Variants in PRR33 observed in about 807,000 individuals in gnomAD.
PRR33 encodes proline rich 33.
Under a neutral mutation model 0.5 loss-of-function variants are expected in PRR33, and 1 was observed. The ratio of observed to expected loss-of-function variants is 2.18; its 90% confidence interval spans 0.77 to 10.34. PRR33 has a LOEUF of 10.34. PRR33 is among the 30% of genes most tolerant of loss of function. The pLI is 0.13. For synonymous variants in PRR33, 226 were observed against 110.0 expected (o/e 2.06, Z -6.60); for missense variants, 552 against 251.8 (o/e 2.19, Z -8.07).
At chr11:1,894,126 GTGTA>G (rs1849095478), upstream of PRR33, among the ~76,000 whole-genome samples, 1 of 149,522 alleles carries the variant, frequency 6.7e-6, no homozygotes, top group Admixed American at 6.7e-5. Flanking sequence ...GTGTGTTTGT[GTGTA>G]TGTGTGTGTG....
At chr11:1,903,406 A>C in the PRR33 span, 1 of 152,102 alleles carries the variant, frequency 6.6e-6, no homozygotes, top group South Asian at 2.1e-4. Flanking sequence ...TTGGCCTCTC[A>C]AAGTGCTGGA....
chr11:1,903,685 G>A, the PRR33 span, among the ~76,000 whole-genome samples: 7 of 152,198 alleles, frequency 4.6e-5, 1 homozygote, highest in East Asian at 7.7e-4. Flanking sequence ...TAACACGTAC[G>A]GACATACGAG....
chr11:1,916,056 G>A, the PRR33 span, among the ~76,000 whole-genome samples: 1 of 151,976 alleles, frequency 6.6e-6, no homozygotes, highest in African/African-American at 2.4e-5. Context: ...AAGGAGGGAG[G>A]AAGGAAGGAA....
At chr11:1,889,727 G>A in exon 1 of PRR33, 2 of 654,892 alleles carry the variant, frequency 3.1e-6, no homozygotes, top group South Asian at 1.7e-5. Flanking sequence ...CAGGGCCCAT[G>A]GGGACCAGGC....
At chr11:1,899,141 G>T in the PRR33 span, among the ~76,000 whole-genome samples, 1 of 152,152 alleles carries the variant, frequency 6.6e-6, no homozygotes, top group African/African-American at 2.4e-5. Flanking sequence ...TCCCTTTTTA[G>T]TTCTATTATT....
At chr11:1,890,053 C>T (rs755844584) in exon 1 of PRR33, 22 of 706,780 alleles carry the variant, frequency 3.1e-5, no homozygotes, top group African/African-American at 8.8e-5. Flanking sequence ...ACCTGGGTGA[C>T]GTGGGTGCCC....
chr11:1,890,436 ATCT>A (rs1315204675), exon 1 of PRR33: 7 of 717,090 alleles, frequency 9.8e-6, no homozygotes, highest in African/African-American at 1.7e-5. Flanking sequence ...GCCTCCCATC[ATCT>A]TCTTCCGGGC....
chr11:1,899,847 A>G, the PRR33 span, among the ~76,000 whole-genome samples: 1 of 152,094 alleles, frequency 6.6e-6, no homozygotes, highest in African/African-American at 2.4e-5. Flanking sequence ...GCTTCTATAT[A>G]ACCAGAAAAC....
the PRR33 span, among the ~76,000 whole-genome samples, chr11:1,900,419 T>A: frequency 6.6e-6 from 1 of 152,208 alleles, no homozygotes; most frequent in African/African-American, 2.4e-5. Flanking sequence ...AACCAGTCAA[T>A]CTTTCCATTA....
the PRR33 span, among the ~76,000 whole-genome samples, chr11:1,904,424 G>C: frequency 0.019 from 2,924 of 152,074 alleles, 171 homozygotes; most frequent in East Asian, 0.23. Flanking sequence ...AGCTACTCCA[G>C]AGACTGAAGC....
At chr11:1,917,621 C>T in the PRR33 span, among the ~76,000 whole-genome samples, 1 of 152,256 alleles carries the variant, frequency 6.6e-6, no homozygotes, top group Non-Finnish European at 1.5e-5. Flanking sequence ...GGCCAGATGG[C>T]AGCAGGGCAT....
At chr11:1,904,208 A>T in the PRR33 span, among the ~76,000 whole-genome samples, 3 of 152,186 alleles carry the variant, frequency 2.0e-5, no homozygotes, top group Non-Finnish European at 2.9e-5. Flanking sequence ...GCTCTACGCC[A>T]GATCCACTTC....
the PRR33 span, among the ~76,000 whole-genome samples, chr11:1,912,185 A>G: frequency 1.3e-5 from 2 of 151,996 alleles, no homozygotes; most frequent in South Asian, 4.2e-4. Flanking sequence ...TAAAAAGGTA[A>G]AATTAAAAAA....
chr11:1,889,216 G>A (rs775953787), exon 1 of PRR33: 7 of 675,148 alleles, frequency 1.0e-5, no homozygotes, highest in South Asian at 3.2e-5. Context: ...AGGATGGAGC[G>A]GACTGTGGGA....
the PRR33 span, among the ~76,000 whole-genome samples, chr11:1,900,148 A>G: frequency 6.6e-6 from 1 of 152,178 alleles, no homozygotes; most frequent in Admixed American, 6.6e-5. Flanking sequence ...AGGAAGGACC[A>G]GGTGGCCATC....
the PRR33 span, among the ~76,000 whole-genome samples, chr11:1,914,227 CTGTGTGTG>C: frequency 3.4e-4 from 51 of 151,160 alleles, no homozygotes. Flanking sequence ...GATGATGTTT[CTGTGTGTG>C]TGTGTGTGTT....
chr11:1,915,671 G>T, the PRR33 span, among the ~76,000 whole-genome samples: 1 of 266 alleles, frequency 3.8e-3, no homozygotes, highest in Non-Finnish European at 5.6e-3. Flanking sequence ...GTGTGTTTTG[G>T]GGGGGTGATG....
At chr11:1,899,006 AT>A in the PRR33 span, among the ~76,000 whole-genome samples, 48 of 150,774 alleles carry the variant, frequency 3.2e-4, no homozygotes, top group East Asian at 3.7e-3. Context: ...GAGTGAGCTA[AT>A]TTTTTTTTTC....
At chr11:1,911,099 A>G in the PRR33 span, among the ~76,000 whole-genome samples, 16 of 152,200 alleles carry the variant, frequency 1.1e-4, no homozygotes, top group Non-Finnish European at 1.8e-4. Context: ...TGTTGAATTT[A>G]CCAATCTCTT....
Sources: allele counts gnomAD v4.1 joint callset (sites outside exome capture counted in the v4.1 genomes callset), GRCh38; gene constraint gnomAD v4.1.1; transcripts MANE v1.5; gene names NCBI Gene and HGNC (gene_info 2026-07-23, HGNC 2026-07-21).